KDR: variants seen among roughly 807,000 people sequenced by gnomAD.
The protein encoded by KDR is kinase insert domain receptor, also known as vascular endothelial growth factor receptor 2.
In KDR, 43 loss-of-function variants were observed where a neutral mutation model predicts 160.9. The ratio of observed to expected loss-of-function variants is 0.27; its 90% CI spans 0.21 to 0.34. The LOEUF (loss-of-function observed/expected upper bound fraction) is 0.34. Among genes scored for constraint, KDR ranks in the 10% least tolerant of loss-of-function variants. The pLI is 1.00. For synonymous variants in KDR, 617 were observed against 600.1 expected, an observed-to-expected ratio of 1.03 and a Z score of -0.41; for missense variants, 1,469 against 1,666.4, an observed-to-expected ratio of 0.88 and a Z score of 2.06.
intron 2 of KDR, among the ~76,000 whole-genome samples, chr4:55,120,870 G>GTA (rs766522049): frequency 1.3e-3 from 200 of 151,774 alleles, no homozygotes; most frequent in African/African-American, 4.7e-3. Flanking sequence ...GTGTGTGTGT[G>GTA]TATGCATGTT....
intron 15 of KDR, among the ~76,000 whole-genome samples, chr4:55,099,251 T>A (rs1365519304): frequency 6.6e-6 from 1 of 152,128 alleles, no homozygotes; most frequent in Non-Finnish European, 1.5e-5. Context: ...ACTCCTGGCC[T>A]CTAGCCATCC....
chr4:55,115,767 TGAAG>T (rs1266001586), intron 3 of KDR, among the ~76,000 whole-genome samples: 7 of 152,362 alleles, frequency 4.6e-5, no homozygotes, highest in Admixed American at 2.6e-4. Context: ...TTTTTCAAAA[TGAAG>T]GATAATATTT....
intron 18 of KDR, chr4:55,096,615 G>T: frequency 2.1e-6 from 1 of 475,940 alleles, no homozygotes; most frequent in Non-Finnish European, 3.8e-6. Context: ...CATCTGCAGT[G>T]GAATCATGCC....
intron 27 of KDR, among the ~76,000 whole-genome samples, chr4:55,085,246 G>C (rs1190502930): frequency 2.0e-5 from 3 of 152,252 alleles, no homozygotes; most frequent in Non-Finnish European, 4.4e-5. Flanking sequence ...GAAATTAGAG[G>C]CAAAGCTAAG....
intron 9 of KDR, among the ~76,000 whole-genome samples, chr4:55,109,420 C>T (rs1720520219): frequency 6.6e-6 from 1 of 152,004 alleles, no homozygotes; most frequent in Non-Finnish European, 1.5e-5. Context: ...ATAATAAAGC[C>T]AAGTTCAGCG....
chr4:55,083,513 A>T (rs1011663300), intron 27 of KDR, among the ~76,000 whole-genome samples: 1 of 152,122 alleles, frequency 6.6e-6, no homozygotes, highest in Non-Finnish European at 1.5e-5. Context: ...AGTCCAAAGA[A>T]TAAGACTTGT....
chr4:55,119,710 G>C, intron 2 of KDR, among the ~76,000 whole-genome samples: 1 of 152,146 alleles, frequency 6.6e-6, no homozygotes, highest in Non-Finnish European at 1.5e-5. Flanking sequence ...GTGAGCAAAG[G>C]GGAGTAAGAA....
chr4:55,086,096 A>G (rs534972071), intron 27 of KDR, among the ~76,000 whole-genome samples: 1 of 152,330 alleles, frequency 6.6e-6, no homozygotes, highest in South Asian at 2.1e-4. Flanking sequence ...AAATGTGTAA[A>G]CACAGGAGTG....
intron 1 of KDR, among the ~76,000 whole-genome samples, chr4:55,123,928 C>A (rs2110038238): frequency 6.6e-6 from 1 of 152,364 alleles, no homozygotes; most frequent in South Asian, 2.1e-4. Flanking sequence ...CCTGCCGTTA[C>A]TACTACGCTA....
chr4:55,104,715 C>T lies in KDR; in HGVS notation c.1915G>A (p.Asp639Asn), dbSNP rs2110022903. 1 of 1,613,852 alleles carries T rather than the reference C, an allele frequency of 6.2e-7. No individual in the cohort carries two copies. The highest frequency in any genetic ancestry group is 8.5e-7 in the Non-Finnish European group (1 of 1,179,844). ...CTGTCTTGAGCAAGGCAGACATAGT[C>T]TCCTTGGTCCTGCAAGGATGCATTC... Reference protein sequence around the residue: ...LKNASLQDQGDYVCLAQDRKT... With the variant: ...LKNASLQDQGNYVCLAQDRKT... The change falls in exon 13 of 30, where the codon GAC becomes AAC. Residue 639 changes from aspartate (D) to asparagine (N), a missense_variant. Transcript: ENST00000263923.
Position 55,094,295 on chromosome 4 carries a change from C to T in KDR, c.2971+507G>A, listed in dbSNP as rs144095080. On this transcript the variant is annotated intron_variant, in intron 21 of 29. Coordinates refer to ENST00000263923, the MANE Select transcript of KDR (RefSeq NM_002253.4). Reference sequence around the variant, plus strand: ...AAAGGCCAGGATATTTATCAAGACTCGCCTGAGGAAGTATGGTTGGAAGGA... The same window carrying T: ...AAAGGCCAGGATATTTATCAAGACTTGCCTGAGGAAGTATGGTTGGAAGGA... Among the ~76,000 whole-genome samples the T allele has an allele frequency of 2.7e-3, 412 of 152,238 alleles. 1 individual carries two copies. The highest frequency in any genetic ancestry group is 9.4e-3 in the African/African-American group (390 of 41,552).
chr4:55,118,956 C>T (rs764263435), intron 2 of KDR, among the ~76,000 whole-genome samples, 156 bp from the exon 3 acceptor site: 2 of 152,208 alleles, frequency 1.3e-5, no homozygotes, highest in Non-Finnish European at 2.9e-5. Flanking sequence ...TGCCTATAAT[C>T]CCAGCACTTT....
At position 55,080,143 on chromosome 4, in the gene KDR, C is replaced by T. The variant is rs746430096; in HGVS notation, c.3869G>A (p.Ser1290Asn). ...GCCTTCAGATGCCACAGACTCCCTG[C>T]TTTTGCTGGGCACCATTCCACTGCA... ...PSFGGMVPSK[S>N]RESVASEGSN... Residue 1290 changes from serine (S) to asparagine (N), a missense_variant, in exon 30 of 30, where the codon AGC (serine) becomes AAC (asparagine). By Grantham distance (46) the Ser-to-Asn change is conservative. Transcript: ENST00000263923. 2 of 1,613,412 alleles carry T rather than the reference C, an allele frequency of 1.2e-6. No homozygotes were observed. The highest frequency in any genetic ancestry group is 2.2e-5 in the East Asian group (1 of 44,888).
chr4:55,120,995 A>G (rs1383515336), intron 2 of KDR, 102 bp downstream of exon 2: 1 of 766,004 alleles, frequency 1.3e-6, no homozygotes, highest in Non-Finnish European at 2.2e-6. Context: ...ATGAACAATT[A>G]CTACAAGCTC....
Position 55,125,116 on chromosome 4 carries a change from C to T in KDR, c.67+111G>A, listed in dbSNP as rs1050395596. The T allele has an allele frequency of 6.9e-6, 7 of 1,008,734 alleles. No homozygotes were observed. The African/African-American group carries it at 7.9e-5, about 11-fold the overall frequency. The allele number at this position is 1,008,734 out of a possible 1,614,324, so 62.5% of individuals were successfully genotyped here. A position where few individuals can be genotyped will look rare whatever the true frequency, so the allele number is the denominator to read the frequency against. On this transcript the variant is annotated intron_variant, in intron 1 of 29. Transcript: ENST00000263923. ...TGGTAAATGAAAGATCGCAAAATGTCAAGTCCTGTCCAACTCTCCAGCTCT... is the reference window on the plus strand; with the variant it reads ...TGGTAAATGAAAGATCGCAAAATGTTAAGTCCTGTCCAACTCTCCAGCTCT...
intron 21 of KDR, among the ~76,000 whole-genome samples, chr4:55,094,366 C>T (rs1720095807): frequency 6.6e-6 from 1 of 152,122 alleles, no homozygotes; most frequent in African/African-American, 2.4e-5. Context: ...ACAGATGGCT[C>T]CTAAACTGCC....
In KDR at chr4:55,082,025, C is replaced by T. The variant is rs367734604; in HGVS notation, c.3779G>A (p.Ser1260Asn). 5 of 1,613,072 alleles carry T rather than the reference C, an allele frequency of 3.1e-6. No individual in the cohort carries two copies. The highest frequency in any genetic ancestry group is 1.1e-5 in the South Asian group (1 of 91,060). ...CTCTTCTGAGGCAAGAACCATACCA[C>T]TGTCCGTCTGGTTGTCCTTTTTAAG... ...KVIPDDNQTD[S>N]GMVLASEELK... The change falls in exon 29 of 30, where the codon AGT becomes AAT. Residue 1260 changes from serine to asparagine, a missense_variant. Ser to Asn is a conservative substitution (Grantham distance 46). Coordinates refer to ENST00000263923, the MANE Select transcript of KDR (RefSeq NM_002253.4).
chr4:55,094,758 C>T (rs948753164), intron 21 of KDR, 44 bp downstream of exon 21: 61 of 1,584,150 alleles, frequency 3.9e-5, no homozygotes, highest in Non-Finnish European at 5.0e-5. Flanking sequence ...CCTGTCTGCT[C>T]TGACAAGAGC....
At chr4:55,093,693 C>G (rs1407537528) in intron 21 of KDR, among the ~76,000 whole-genome samples, 1 of 152,210 alleles carries the variant, frequency 6.6e-6, no homozygotes, top group Admixed American at 6.5e-5. Flanking sequence ...AATGCAAATT[C>G]TCTCTGTAGC....
Sources: allele counts gnomAD v4.1 joint callset (sites outside exome capture counted in the v4.1 genomes callset), GRCh38; gene constraint gnomAD v4.1.1; transcripts MANE v1.5; gene names NCBI Gene and HGNC (gene_info 2026-07-23, HGNC 2026-07-21).